SRPK1: variants seen among roughly 807,000 people sequenced by gnomAD.
SRPK1 encodes the protein SRSF protein kinase 1, also known as SFRS protein kinase 1.
In SRPK1, 52 loss-of-function variants were observed where a neutral mutation model predicts 89.5. That is an observed-to-expected ratio of 0.58 (90% CI 0.46 to 0.73). The LOEUF (loss-of-function observed/expected upper bound fraction) is 0.73. Ranked by LOEUF, SRPK1 falls within the 30% of genes least tolerant of loss-of-function variation. The pLI is 0.00. For synonymous variants in SRPK1, 255 were observed against 270.2 expected (o/e 0.94, Z 0.55); for missense variants, 603 against 780.6 (o/e 0.77, Z 2.71).
intron 2 of SRPK1, among the ~76,000 whole-genome samples, chr6:35,896,977 GATTTT>G (rs1435361917): frequency 6.6e-6 from 1 of 152,176 alleles, no homozygotes; most frequent in Admixed American, 6.5e-5. Context: ...ATAATCCTAA[GATTTT>G]ATTTACATGA....
chr6:35,876,085 T>TAAAAAAAAAAAAAAAA (rs34493292), intron 6 of SRPK1, among the ~76,000 whole-genome samples: 3 of 77,644 alleles, frequency 3.9e-5, no homozygotes, highest in East Asian at 4.3e-4. Flanking sequence ...ATTCTTAAAT[T>TAAAAAAAAAAAAAAAA]AAAAAAAAAA....
chr6:35,892,928 T>C (rs1197767905), intron 2 of SRPK1, among the ~76,000 whole-genome samples: 2 of 152,234 alleles, frequency 1.3e-5, no homozygotes, highest in Non-Finnish European at 2.9e-5. Context: ...ATGCAACTAA[T>C]GATTTAGATT....
intron 2 of SRPK1, among the ~76,000 whole-genome samples, chr6:35,911,777 G>C (rs1010077461): frequency 6.6e-6 from 1 of 151,792 alleles, no homozygotes; most frequent in Non-Finnish European, 1.5e-5. Context: ...AAGATGCTGT[G>C]AACATTGTTG....
intron 2 of SRPK1, among the ~76,000 whole-genome samples, chr6:35,893,537 A>G (rs1340801982): frequency 3.3e-5 from 5 of 152,008 alleles, no homozygotes; most frequent in Non-Finnish European, 7.4e-5. Context: ...AATGGAGTTG[A>G]CACCATACAC....
At chr6:35,909,416 A>G (rs1320684593) in intron 2 of SRPK1, among the ~76,000 whole-genome samples, 1 of 152,240 alleles carries the variant, frequency 6.6e-6, no homozygotes, top group African/African-American at 2.4e-5. Context: ...GTATCTTGGA[A>G]GTAACTAACT....
intron 2 of SRPK1, among the ~76,000 whole-genome samples, chr6:35,905,169 A>G (rs929931365): frequency 1.3e-5 from 2 of 152,156 alleles, no homozygotes; most frequent in Admixed American, 6.5e-5. Flanking sequence ...ACAGACAAAC[A>G]AAAGTTGTGA....
intron 13 of SRPK1, among the ~76,000 whole-genome samples, chr6:35,844,281 G>A (rs1382185864): frequency 6.6e-6 from 1 of 152,142 alleles, no homozygotes; most frequent in Non-Finnish European, 1.5e-5. Flanking sequence ...GGGATCACAG[G>A]TGTGAGCCAC....
At chr6:35,891,863 T>C (rs1313737828) in intron 2 of SRPK1, among the ~76,000 whole-genome samples, 1 of 152,220 alleles carries the variant, frequency 6.6e-6, no homozygotes, top group African/African-American at 2.4e-5. Flanking sequence ...TTTTGGATAA[T>C]CTTTATTCTG....
intron 13 of SRPK1, among the ~76,000 whole-genome samples, chr6:35,844,867 G>A (rs1173251366): frequency 6.6e-6 from 1 of 151,724 alleles, no homozygotes; most frequent in Non-Finnish European, 1.5e-5. Context: ...TGAAATTAAA[G>A]TTAAAAAAAA....
intron 13 of SRPK1, among the ~76,000 whole-genome samples, chr6:35,843,340 A>T (rs1769358141): frequency 6.6e-6 from 1 of 151,988 alleles, no homozygotes; most frequent in Admixed American, 6.6e-5. Context: ...AAATCAAAAA[A>T]AAAAAAAAAT....
At chr6:35,916,883 C>T (rs1219652795) in intron 2 of SRPK1, among the ~76,000 whole-genome samples, 1 of 152,202 alleles carries the variant, frequency 6.6e-6, no homozygotes, top group East Asian at 1.9e-4. Flanking sequence ...ATGGTGAAAC[C>T]CTGTCTCTAC....
At chr6:35,865,007 G>C (rs563646052) in intron 12 of SRPK1, among the ~76,000 whole-genome samples, 1 of 152,294 alleles carries the variant, frequency 6.6e-6, no homozygotes, top group Admixed American at 6.5e-5. Flanking sequence ...CAAGGACACA[G>C]AGAGTAGAAG....
Position 35,870,094 on chromosome 6 carries a change from C to T in SRPK1, c.991+187G>A, listed in dbSNP as rs547757740. 6.6e-5 allele frequency among the ~76,000 whole-genome samples: 10 copies of T among 152,254 alleles called. 1 individual carries two copies. In the South Asian group the frequency reaches 1.9e-3, roughly 28 times the overall value. On this transcript the variant is annotated intron_variant, in intron 10 of 15. Coordinates refer to ENST00000373825, the MANE Select transcript of SRPK1 (RefSeq NM_003137.5). ...CCAATTGTTAAATGAAATCTATGTTCCATTTCCTGAGAAAAGTTACAAATT... is the reference window on the plus strand; with the variant it reads ...CCAATTGTTAAATGAAATCTATGTTTCATTTCCTGAGAAAAGTTACAAATT...
intron 13 of SRPK1, among the ~76,000 whole-genome samples, chr6:35,853,438 G>A (rs954167700): frequency 6.6e-6 from 1 of 152,178 alleles, no homozygotes; most frequent in African/African-American, 2.4e-5. Context: ...GCCATTTTAT[G>A]TAAAGTACTT....
At position 35,915,406 on chromosome 6, in the gene SRPK1, C is replaced by CAA. The variant is rs560685673; in HGVS notation, c.74+5060_74+5061dup. ...TGGACGACAGAGCAAGACACCGTCT[C>CAA]AAAAAAAAAAAAAAAAAAGAAAAAT... is the stretch of plus-strand genomic sequence containing the variant. On this transcript the variant is annotated intron_variant, in intron 2 of 15. Coordinates refer to ENST00000373825, the MANE Select transcript of SRPK1 (RefSeq NM_003137.5). Among the ~76,000 whole-genome samples the CAA allele has an allele frequency of 8.7e-4, 64 of 73,868 alleles. 1 individual carries two copies. The highest frequency in any genetic ancestry group is 2.3e-3 in the South Asian group (5 of 2,190). 48.5% of individuals were successfully genotyped at this position (73,868 alleles called of 152,430 possible).
At chr6:35,920,927 A>C in intron 1 of SRPK1, 117 bp downstream of exon 1, 24 of 1,087,144 alleles carry the variant, frequency 2.2e-5, no homozygotes, top group East Asian at 3.6e-5. Context: ...ACCTCAGTGG[A>C]GGGGCGCCGC....
intron 6 of SRPK1, among the ~76,000 whole-genome samples, chr6:35,878,064 A>C (rs914942946): frequency 2.0e-5 from 3 of 152,210 alleles, no homozygotes; most frequent in African/African-American, 7.2e-5. Context: ...TTTGGGGGCA[A>C]CTCAAATAGT....
chr6:35,848,524 TCCAG>T (rs1176222522), intron 13 of SRPK1, among the ~76,000 whole-genome samples: 9 of 152,184 alleles, frequency 5.9e-5, no homozygotes, highest in African/African-American at 2.2e-4. Context: ...GCCACTGCAC[TCCAG>T]CCTGAGTGAC....
intron 14 of SRPK1, 84 bp downstream of exon 14, chr6:35,842,451 G>A (rs1412292513): frequency 1.9e-6 from 2 of 1,038,020 alleles, no homozygotes; most frequent in Non-Finnish European, 2.8e-6. Flanking sequence ...CAAGACTAAG[G>A]CTCTTCGGTA....
Sources: allele counts gnomAD v4.1 joint callset (sites outside exome capture counted in the v4.1 genomes callset), GRCh38; gene constraint gnomAD v4.1.1; transcripts MANE v1.5; gene names NCBI Gene and HGNC (gene_info 2026-07-23, HGNC 2026-07-21).